The following RBFOX1 variants were observed in gnomAD, a reference collection of about 807,000 sequenced individuals.
The protein encoded by RBFOX1 is RNA binding fox-1 homolog 1.
In RBFOX1, 8 loss-of-function variants were observed where a neutral mutation model predicts 57.7. That is an observed-to-expected ratio of 0.14 (90% CI 0.08 to 0.25). The LOEUF is 0.25. RBFOX1 is among the 10% of genes least tolerant of loss of function. RBFOX1 has a pLI of 1.00. For missense variants in RBFOX1, 611 were observed against 548.5 expected, an observed-to-expected ratio of 1.11 and a Z score of -1.14; for synonymous variants, 326 against 222.4, an observed-to-expected ratio of 1.47 and a Z score of -4.15.
At chr16:7,363,152 TTA>T (rs2146783004) in intron 4 of RBFOX1, among the ~76,000 whole-genome samples, 1 of 152,250 alleles carries the variant, frequency 6.6e-6, no homozygotes, top group African/African-American at 2.4e-5. Flanking sequence ...GCTATTTTCA[TTA>T]TGAGAGGCTT....
chr16:5,336,702 TG>T (rs918058380), intron 1 of RBFOX1, among the ~76,000 whole-genome samples: 1 of 152,204 alleles, frequency 6.6e-6, no homozygotes, highest in Admixed American at 6.5e-5. Context: ...GTCCTTCTAC[TG>T]GGTTTAGTTG....
At chr16:7,655,963 C>G (rs1446726974) in intron 12 of RBFOX1, among the ~76,000 whole-genome samples, 1 of 152,120 alleles carries the variant, frequency 6.6e-6, no homozygotes, top group African/African-American at 2.4e-5. Context: ...CCATGTTTCA[C>G]CAGGGAGAGA....
chr16:7,207,775 T>G (rs2090296111), intron 4 of RBFOX1, among the ~76,000 whole-genome samples: 1 of 152,156 alleles, frequency 6.6e-6, no homozygotes, highest in Non-Finnish European at 1.5e-5. Context: ...TGCACCCAGT[T>G]CATGTAGCTT....
intron 2 of RBFOX1, among the ~76,000 whole-genome samples, chr16:6,625,227 C>T (rs1601874793): frequency 8.8e-6 from 1 of 114,136 alleles, no homozygotes; most frequent in African/African-American, 3.3e-5. Flanking sequence ...ACCCCCAAAA[C>T]AATTTCACAA....
In RBFOX1 at chr16:7,693,952, G is replaced by A. The variant is rs543231242; in HGVS notation, c.996-15104G>A. ...GGACTTAGAGAGACCAGGTCTTTTG[G>A]TTTTGAAACCAGGACATTGGCAAAT... On this transcript the variant is annotated intron_variant, in intron 14 of 15. Coordinates refer to ENST00000550418, the MANE Select transcript of RBFOX1 (RefSeq NM_018723.4). Among the ~76,000 whole-genome samples, 4 of 152,166 alleles carry A rather than the reference G, an allele frequency of 2.6e-5. No homozygotes were observed. In the South Asian group the frequency reaches 8.3e-4, roughly 32 times the overall value.
intron 1 of RBFOX1, among the ~76,000 whole-genome samples, chr16:6,253,667 GTGTGTGCA>G (rs2097640644): frequency 1.1e-5 from 1 of 88,704 alleles, no homozygotes; most frequent in Non-Finnish European, 2.3e-5. Flanking sequence ...AGATGTGTGT[GTGTGTGCA>G]TGTGTGTGTG....
chr16:6,914,375 C>G (rs2072541060), intron 3 of RBFOX1, among the ~76,000 whole-genome samples: 1 of 151,976 alleles, frequency 6.6e-6, no homozygotes, highest in African/African-American at 2.4e-5. Context: ...AAGTATTCTA[C>G]TTTTCATGAT....
intron 3 of RBFOX1, among the ~76,000 whole-genome samples, chr16:6,793,894 A>G (rs980658313): frequency 2.0e-5 from 3 of 152,142 alleles, no homozygotes; most frequent in Non-Finnish European, 2.9e-5. Flanking sequence ...GTTATGAAAC[A>G]TCTATCTCCC....
intron 1 of RBFOX1, among the ~76,000 whole-genome samples, chr16:5,278,944 T>G (rs2063205827): frequency 6.6e-6 from 1 of 152,190 alleles, no homozygotes; most frequent in South Asian, 2.1e-4. Flanking sequence ...TTTCCTTTGT[T>G]TTTGTGTCTG....
intron 3 of RBFOX1, among the ~76,000 whole-genome samples, chr16:6,882,431 C>A (rs1348435997): frequency 6.6e-6 from 1 of 152,018 alleles, no homozygotes; most frequent in East Asian, 1.9e-4. Flanking sequence ...CCCATCTTCA[C>A]TAAAAATACA....
intron 4 of RBFOX1, among the ~76,000 whole-genome samples, chr16:7,367,045 C>T (rs537021658): frequency 1.1e-3 from 165 of 152,094 alleles, no homozygotes; most frequent in African/African-American, 3.8e-3. Context: ...ATTCCCTCCC[C>T]CAAACCCCCC....
At chr16:7,318,913 A>G (rs970556012) in intron 4 of RBFOX1, among the ~76,000 whole-genome samples, 2 of 152,164 alleles carry the variant, frequency 1.3e-5, no homozygotes, top group Non-Finnish European at 2.9e-5. Context: ...CGAGGTAGGC[A>G]GATGAGCACA....
chr16:5,675,493 C>T (rs949578492), intron 3 of RBFOX1, among the ~76,000 whole-genome samples: 1 of 152,174 alleles, frequency 6.6e-6, no homozygotes, highest in Non-Finnish European at 1.5e-5. Context: ...AATTGCTCCC[C>T]AAACACAGCT....
rs556085583 is a variant in RBFOX1 at position 6,095,949 on chromosome 16, G to A, written c.-127+75957G>A. On this transcript the variant is annotated intron_variant, in intron 1 of 15. Transcript: ENST00000550418. ...CATCAGTCTTCTCCCTTTGGAGCTTGGGCCCAGATCTCAGCCACCCAGGCC... is the reference window on the plus strand; with the variant it reads ...CATCAGTCTTCTCCCTTTGGAGCTTAGGCCCAGATCTCAGCCACCCAGGCC... Among the ~76,000 whole-genome samples, 45 of 152,294 alleles carry A rather than the reference G, an allele frequency of 3.0e-4. No homozygotes were observed. The South Asian group carries it at 5.2e-3, about 18-fold the overall frequency.
upstream of RBFOX1, among the ~76,000 whole-genome samples, chr16:6,015,514 T>TG (rs1387043039): frequency 6.6e-6 from 1 of 152,216 alleles, no homozygotes; most frequent in African/African-American, 2.4e-5. Context: ...GAGCCTGCCT[T>TG]GGGCCTTCCC....
At chr16:7,054,212 T>TCG (rs2051141073) in intron 4 of RBFOX1, among the ~76,000 whole-genome samples, 1 of 17,512 alleles carries the variant, frequency 5.7e-5, no homozygotes, top group African/African-American at 5.2e-4. Context: ...ATTTTTTTTT[T>TCG]CGGGGGGGGG....
rs576738249 is a variant in RBFOX1 at position 7,043,716 on chromosome 16, C to T, written c.-15-8341C>T. 2.0e-5 allele frequency among the ~76,000 whole-genome samples: 3 copies of T among 152,260 alleles called. No individual in the cohort carries two copies. In the South Asian group the frequency reaches 6.2e-4, roughly 32 times the overall value. On this transcript the variant is annotated intron_variant, in intron 3 of 15. Coordinates refer to ENST00000550418, the MANE Select transcript of RBFOX1 (RefSeq NM_018723.4). ...CATGAAAACATGAACATCTATTTAT[C>T]CATTCATTTATTGTGTGTCTTCTGT...
At chr16:6,991,749 C>G (rs776274263) in intron 3 of RBFOX1, among the ~76,000 whole-genome samples, 4 of 152,254 alleles carry the variant, frequency 2.6e-5, no homozygotes, top group South Asian at 2.1e-4. Context: ...GTTGCCCAGG[C>G]TGGTCTTGAA....
intron 14 of RBFOX1, among the ~76,000 whole-genome samples, chr16:7,686,187 G>GA (rs368021965): frequency 0.092 from 13,594 of 147,012 alleles, 671 homozygotes; most frequent in Middle Eastern, 0.12. Context: ...GTTCTCGAGT[G>GA]AAAAAAAAAA....
Sources: gnomAD v4.1 joint callset for allele counts (sites outside exome capture counted in the v4.1 genomes callset) on GRCh38, gnomAD v4.1.1 for gene constraint, MANE v1.5 for transcripts, NCBI Gene and HGNC (gene_info 2026-07-23, HGNC 2026-07-21) for gene names.